The following ZNF131 variants were observed in gnomAD, a reference collection of about 807,000 sequenced individuals.
ZNF131 encodes the protein zinc finger and BTB domain containing 35.
ZNF131 carries 7 observed loss-of-function variants against 60.0 expected under a neutral mutation model. That is an observed-to-expected ratio of 0.12 (90% CI 0.07 to 0.22). The LOEUF (loss-of-function observed/expected upper bound fraction) is 0.22. Ranked by LOEUF, ZNF131 falls within the 10% of genes least tolerant of loss-of-function variation. ZNF131 has a pLI of 1.00. For missense variants in ZNF131, 493 were observed against 740.9 expected, an observed-to-expected ratio of 0.67 and a Z score of 3.88; for synonymous variants, 257 against 253.2, an observed-to-expected ratio of 1.01 and a Z score of -0.14.
intron 5 of ZNF131, among the ~76,000 whole-genome samples, chr5:43,163,704 A>G (rs1037409768): frequency 6.6e-6 from 1 of 152,232 alleles, no homozygotes; most frequent in Admixed American, 6.5e-5. Flanking sequence ...CATGCTAAGT[A>G]TTAGACTTCT....
At chr5:43,134,847 CT>C (rs1228319267) in intron 3 of ZNF131, among the ~76,000 whole-genome samples, 5 of 149,520 alleles carry the variant, frequency 3.3e-5, no homozygotes, top group Middle Eastern at 3.5e-3. Context: ...CAGGCTCCCC[CT>C]ATCACACCCA....
intron 3 of ZNF131, among the ~76,000 whole-genome samples, chr5:43,133,497 A>G (rs1745630129): frequency 6.6e-6 from 1 of 152,100 alleles, no homozygotes; most frequent in Non-Finnish European, 1.5e-5. Context: ...TGACTTTAGT[A>G]TTTATTCATT....
intron 4 of ZNF131, among the ~76,000 whole-genome samples, chr5:43,145,025 G>C (rs1438480188): frequency 6.6e-6 from 1 of 151,780 alleles, no homozygotes; most frequent in East Asian, 1.9e-4. Context: ...TCATATTAGT[G>C]TTCCCACATT....
intron 4 of ZNF131, among the ~76,000 whole-genome samples, chr5:43,158,671 A>G (rs1402701374): frequency 6.6e-6 from 1 of 152,220 alleles, no homozygotes; most frequent in Non-Finnish European, 1.5e-5. Flanking sequence ...CAAGACTTCA[A>G]CATACCTTTT....
intron 3 of ZNF131, among the ~76,000 whole-genome samples, chr5:43,129,731 T>G (rs558458875): frequency 3.1e-4 from 47 of 152,198 alleles, no homozygotes; most frequent in African/African-American, 1.1e-3. Context: ...CTCGGCTCAC[T>G]ACAGCCTCTG....
chr5:43,125,467 A>G (rs1399289100), intron 3 of ZNF131, among the ~76,000 whole-genome samples: 3 of 150,850 alleles, frequency 2.0e-5, no homozygotes, highest in African/African-American at 4.9e-5. Flanking sequence ...AAGTCTGAGC[A>G]GAATTTTTAA....
At chr5:43,148,970 T>C (rs555643222) in intron 4 of ZNF131, among the ~76,000 whole-genome samples, 1 of 152,308 alleles carries the variant, frequency 6.6e-6, no homozygotes, top group Non-Finnish European at 1.5e-5. Flanking sequence ...GTAATTTCTT[T>C]CACTTGCCAT....
intron 3 of ZNF131, among the ~76,000 whole-genome samples, chr5:43,125,919 C>G (rs1043559671): frequency 1.3e-5 from 2 of 152,162 alleles, no homozygotes; most frequent in Non-Finnish European, 2.9e-5. Flanking sequence ...GTGGCACACA[C>G]AAGTCTTCAG....
chr5:43,159,456 G>A (rs2444781), intron 4 of ZNF131, among the ~76,000 whole-genome samples: 10,044 of 152,084 alleles, frequency 0.066, 396 homozygotes, highest in South Asian at 0.13. Context: ...CACTTTGGGA[G>A]GCCGAGGTGG....
At position 43,171,984 on chromosome 5, in the gene ZNF131, A is replaced by G. The variant is rs111443294; in HGVS notation, c.1055-1334A>G. On this transcript the variant is annotated intron_variant, in intron 5 of 6. Transcript: ENST00000682664. Reference sequence around the variant, plus strand: ...TTGCCCAGGCTGTTCCCGTCAAGCAATCCTTCTGCCTTGGCCTCCCAAAGT... The same window carrying G: ...TTGCCCAGGCTGTTCCCGTCAAGCAGTCCTTCTGCCTTGGCCTCCCAAAGT... Among the ~76,000 whole-genome samples, 63 of 152,290 alleles carry G rather than the reference A, an allele frequency of 4.1e-4. 1 individual carries two copies. The highest frequency in any genetic ancestry group is 1.3e-3 in the African/African-American group (54 of 41,572).
At chr5:43,139,370 G>T in intron 4 of ZNF131, 61 bp downstream of exon 4, 1 of 1,419,678 alleles carries the variant, frequency 7.0e-7, no homozygotes, top group Non-Finnish European at 9.3e-7. Flanking sequence ...TTCTGTTAGT[G>T]AAGAACTTAC....
intron 4 of ZNF131, among the ~76,000 whole-genome samples, chr5:43,153,910 A>G (rs902712798): frequency 1.3e-5 from 2 of 152,216 alleles, no homozygotes; most frequent in Non-Finnish European, 2.9e-5. Flanking sequence ...CTCAGTATCT[A>G]TGGATGGTAG....
chr5:43,131,828 G>GC (rs1344517663), intron 3 of ZNF131, among the ~76,000 whole-genome samples: 51 of 151,990 alleles, frequency 3.4e-4, no homozygotes, highest in African/African-American at 1.2e-3. Flanking sequence ...AAAATGGGGG[G>GC]ACTTTAGTAT....
chr5:43,161,702 T>C lies in ZNF131; in HGVS notation c.825T>C (p.His275=). The part of the protein sequence containing the change: ...KCNRSFKLFY[H]FKEHMKSHST... Reference sequence around the variant, plus strand: ...ACCGTTCATTTAAATTGTTTTACCATTTTAAGGAGCACATGAAATCACACT... The same window carrying C: ...ACCGTTCATTTAAATTGTTTTACCACTTTAAGGAGCACATGAAATCACACT... The change falls in exon 5 of 7, where the codon CAT becomes CAC. Residue 275 remains histidine (H), a synonymous_variant. Transcript: ENST00000682664. 6.2e-7 allele frequency: 1 copy of C among 1,614,236 alleles called. No individual in the cohort carries two copies. Among genetic ancestry groups the C allele is most frequent in the Non-Finnish European group, 8.5e-7 (1 of 1,180,024 alleles).
intron 4 of ZNF131, among the ~76,000 whole-genome samples, chr5:43,146,633 G>A (rs755735415): frequency 6.6e-5 from 10 of 152,126 alleles, no homozygotes; most frequent in Middle Eastern, 3.4e-3. Context: ...TGAGTCGGGC[G>A]CAGTGGTTCA....
At chr5:43,132,126 C>G (rs1745442631) in intron 3 of ZNF131, among the ~76,000 whole-genome samples, 2 of 152,144 alleles carry the variant, frequency 1.3e-5, no homozygotes, top group Non-Finnish European at 2.9e-5. Context: ...TTTGGAAACA[C>G]TTACACATTG....
chr5:43,140,698 A>G (rs937201314), intron 4 of ZNF131, among the ~76,000 whole-genome samples: 3 of 152,144 alleles, frequency 2.0e-5, no homozygotes, highest in African/African-American at 7.2e-5. Flanking sequence ...TATTTCTCTG[A>G]GGACTCTACT....
rs150789886 is a variant in ZNF131, at chr5:43,156,349, G to A, written c.372-4900G>A. 1.3e-3 allele frequency among the ~76,000 whole-genome samples: 194 copies of A among 152,262 alleles called. No homozygotes were observed. The Middle Eastern group carries it at 0.027, about 21-fold the overall frequency. On this transcript the variant is annotated intron_variant, in intron 4 of 6. Transcript: ENST00000682664. ...TTCCTGAGTTTTCTCCAGTATACTT[G>A]GATGAGTATATTGCTTTCAGTCCCC...
At chr5:43,130,633 C>T (rs930377607) in intron 3 of ZNF131, among the ~76,000 whole-genome samples, 4 of 151,778 alleles carry the variant, frequency 2.6e-5, no homozygotes, top group East Asian at 1.9e-4. Context: ...GGTGTGATCT[C>T]GGCTCACCGC....
Sources: allele counts gnomAD v4.1 joint callset (sites outside exome capture counted in the v4.1 genomes callset), GRCh38; gene constraint gnomAD v4.1.1; transcripts MANE v1.5; gene names NCBI Gene and HGNC (gene_info 2026-07-23, HGNC 2026-07-21).